The following GPATCH2 variants were observed in gnomAD, a reference collection of about 807,000 sequenced individuals.
GPATCH2 encodes G patch domain-containing protein 2.
In GPATCH2, 51 loss-of-function variants were observed where a neutral mutation model predicts 58.0. The observed-to-expected ratio is 0.88, with a 90% confidence interval of 0.70 to 1.11. GPATCH2 has a LOEUF of 1.11. Among genes scored for constraint, GPATCH2 ranks in the 50% most tolerant of loss-of-function variants. The pLI is 0.00. For missense variants in GPATCH2, 625 were observed against 652.2 expected, an observed-to-expected ratio of 0.96 and a Z score of 0.45; for synonymous variants, 222 against 218.5, an observed-to-expected ratio of 1.02 and a Z score of -0.14.
intron 6 of GPATCH2, among the ~76,000 whole-genome samples, chr1:217,514,402 G>A (rs888748136): frequency 6.6e-6 from 1 of 152,074 alleles, no homozygotes; most frequent in Non-Finnish European, 1.5e-5. Flanking sequence ...CAGGTGATCT[G>A]CCCACCCTGG....
At chr1:217,567,899 A>G (rs1003539615) in intron 5 of GPATCH2, among the ~76,000 whole-genome samples, 3 of 152,074 alleles carry the variant, frequency 2.0e-5, no homozygotes, top group Admixed American at 6.6e-5. Flanking sequence ...GGCGGATCAC[A>G]AGGTCAGGAG....
chr1:217,448,874 G>A lies in GPATCH2; in HGVS notation c.1366+375C>T, dbSNP rs112387825. Among the ~76,000 whole-genome samples, 43 of 152,146 alleles carry A rather than the reference G, an allele frequency of 2.8e-4. 1 individual carries two copies. Among genetic ancestry groups the A allele is most frequent in the Non-Finnish European group, 5.7e-4 (39 of 67,990 alleles). On this transcript the variant is annotated intron_variant, in intron 9 of 9. Transcript: ENST00000366935. The stretch of plus-strand genomic sequence containing the variant: ...ATGGGGTCTTGTGTTTTGGGGCTGC[G>A]GCTATACTTTTTGAATTTATTACTA...
intron 9 of GPATCH2, among the ~76,000 whole-genome samples, chr1:217,434,381 T>G (rs1658712088): frequency 6.6e-6 from 1 of 152,224 alleles, no homozygotes; most frequent in African/African-American, 2.4e-5. Context: ...AGCAGTTAAT[T>G]TTTTATTTTG....
At chr1:217,589,093 T>C (rs1419659835) in intron 5 of GPATCH2, among the ~76,000 whole-genome samples, 3 of 152,124 alleles carry the variant, frequency 2.0e-5, no homozygotes, top group Non-Finnish European at 4.4e-5. Flanking sequence ...CATTTCAACA[T>C]CTAAGAAACA....
intron 2 of GPATCH2, among the ~76,000 whole-genome samples, chr1:217,617,019 TAAACAAAATACC>T (rs1487147174): frequency 2.4e-5 from 1 of 41,648 alleles, no homozygotes; most frequent in African/African-American, 1.7e-4. Context: ...AGGTCAAAGA[TAAACAAAATACC>T]AAAATACAGC....
At chr1:217,513,197 A>C (rs922441292) in intron 6 of GPATCH2, among the ~76,000 whole-genome samples, 1 of 152,118 alleles carries the variant, frequency 6.6e-6, no homozygotes, top group Non-Finnish European at 1.5e-5. Context: ...AGGCTGATGC[A>C]GAAGAATCGC....
chr1:217,549,758 A>C (rs1270291839), intron 5 of GPATCH2, among the ~76,000 whole-genome samples: 1 of 152,210 alleles, frequency 6.6e-6, no homozygotes, highest in African/African-American at 2.4e-5. Context: ...AAAACATAGA[A>C]AGACTTCCTA....
intron 5 of GPATCH2, among the ~76,000 whole-genome samples, chr1:217,566,888 A>T (rs972236151): frequency 6.6e-6 from 1 of 152,216 alleles, no homozygotes; most frequent in Non-Finnish European, 1.5e-5. Context: ...TTTAAAAATG[A>T]TATTAAAACT....
Position 217,514,829 on chromosome 1 carries a change from G to T in GPATCH2, c.1159C>A (p.His387Asn). 1 of 1,469,596 alleles carries T rather than the reference G, an allele frequency of 6.8e-7. No individual in the cohort carries two copies. Among genetic ancestry groups the T allele is most frequent in the Non-Finnish European group, 9.5e-7 (1 of 1,048,428 alleles). 91.0% of individuals were successfully genotyped at this position (1,469,596 alleles called of 1,614,324 possible). A position where few individuals can be genotyped will look rare whatever the true frequency, so the allele number is the denominator to read the frequency against. Residue 387 changes from histidine (H) to asparagine (N), a missense_variant, in exon 6 of 10, where the codon CAC becomes AAC. By Grantham distance (68) the His-to-Asn change is moderately conservative (BLOSUM62 1). Coordinates refer to ENST00000366935, the MANE Select transcript of GPATCH2 (RefSeq NM_018040.5). ...RMVHFSPDSH[H>N]HDHWFSPGAR... ...AACACACTGAGTACTCACTCATGGT[G>T]ATGAGAATCCGGGGAAAAATGAACC... is the stretch of plus-strand genomic sequence containing the variant.
intron 9 of GPATCH2, among the ~76,000 whole-genome samples, chr1:217,444,312 AACTAAC>A (rs752969791): frequency 4.6e-5 from 7 of 152,032 alleles, no homozygotes; most frequent in Non-Finnish European, 1.0e-4. Flanking sequence ...TCCACGGGGG[AACTAAC>A]GAACATGCCT....
At chr1:217,533,660 T>A (rs1418707608) in intron 5 of GPATCH2, among the ~76,000 whole-genome samples, 1 of 152,226 alleles carries the variant, frequency 6.6e-6, no homozygotes, top group East Asian at 1.9e-4. Flanking sequence ...AATAAAGCAA[T>A]AATCACTTGT....
chr1:217,515,828 T>G (rs1347869604), intron 5 of GPATCH2, among the ~76,000 whole-genome samples: 2 of 151,322 alleles, frequency 1.3e-5, no homozygotes, highest in African/African-American at 4.8e-5. Flanking sequence ...AGATCAGTGT[T>G]AAGCAGATAT....
At position 217,455,919 on chromosome 1, in the gene GPATCH2, G is replaced by A. The variant is rs1433529051; in HGVS notation, c.1278-6582C>T. On this transcript the variant is annotated intron_variant, in intron 8 of 9. Coordinates refer to ENST00000366935, the MANE Select transcript of GPATCH2 (RefSeq NM_018040.5). Reference sequence around the variant, plus strand: ...AATGGTGTGGCAGAGAGAAGAGAAGGAGCATCTGAACGTCAAGAAGAATTT... The same window carrying A: ...AATGGTGTGGCAGAGAGAAGAGAAGAAGCATCTGAACGTCAAGAAGAATTT... 2.0e-5 allele frequency among the ~76,000 whole-genome samples: 3 copies of A among 152,094 alleles called. No homozygotes were observed. The East Asian group carries it at 5.9e-4, about 30-fold the overall frequency.
chr1:217,453,277 T>C (rs1435250385), intron 8 of GPATCH2, among the ~76,000 whole-genome samples: 1 of 152,128 alleles, frequency 6.6e-6, no homozygotes, highest in Non-Finnish European at 1.5e-5. Context: ...AAGAACAATA[T>C]TAAGATCCTT....
intron 2 of GPATCH2, among the ~76,000 whole-genome samples, chr1:217,616,096 T>C (rs180820107): frequency 2.2e-4 from 33 of 152,296 alleles, no homozygotes; most frequent in African/African-American, 7.5e-4. Flanking sequence ...TGTGAGAGAT[T>C]AACCATAGTA....
chr1:217,428,165 C>T lies in GPATCH2; in HGVS notation c.*2980G>A, dbSNP rs1440590414. 6.6e-6 allele frequency: 1 copy of T among 152,046 alleles called. No homozygotes were observed. The highest frequency in any genetic ancestry group is 1.5e-5 in the Non-Finnish European group (1 of 68,014). 9.4% of individuals were successfully genotyped at this position (152,046 alleles called of 1,614,324 possible). On this transcript the variant is annotated 3_prime_UTR_variant, in exon 10 of 10. Coordinates refer to ENST00000366935, the MANE Select transcript of GPATCH2 (RefSeq NM_018040.5). ...ACAAATTTTTTAAACAGTCAAGTTGCTAATGTAATCATGCTCAGCGTCTCT... is the reference window on the plus strand; with the variant it reads ...ACAAATTTTTTAAACAGTCAAGTTGTTAATGTAATCATGCTCAGCGTCTCT...
Position 217,428,110 on chromosome 1 carries a change from C to G in GPATCH2, c.*3035G>C. ...CAGAAAAGAAGGAAACAAATGACTCCAGCACACAGTCTGGTCATTATCAAG... is the reference window on the plus strand; with the variant it reads ...CAGAAAAGAAGGAAACAAATGACTCGAGCACACAGTCTGGTCATTATCAAG... On this transcript the variant is annotated 3_prime_UTR_variant, in exon 10 of 10. Transcript: ENST00000366935. 1 of 152,204 alleles carries G rather than the reference C, an allele frequency of 6.6e-6. No individual in the cohort carries two copies. The highest frequency in any genetic ancestry group is 2.1e-4 in the South Asian group (1 of 4,820). 9.4% of individuals were successfully genotyped at this position (152,204 alleles called of 1,614,324 possible).
At chr1:217,607,689 C>A (rs1179600323) in intron 5 of GPATCH2, among the ~76,000 whole-genome samples, 2 of 152,174 alleles carry the variant, frequency 1.3e-5, no homozygotes, top group Non-Finnish European at 2.9e-5. Context: ...AGCCATGATT[C>A]AGTATTCCCT....
At chr1:217,519,044 A>G (rs1181572882) in intron 5 of GPATCH2, among the ~76,000 whole-genome samples, 1 of 152,248 alleles carries the variant, frequency 6.6e-6, no homozygotes, top group Non-Finnish European at 1.5e-5. Context: ...AGAAAGAAAC[A>G]AGACTTTTAA....
Sources: gnomAD v4.1 joint callset for allele counts (sites outside exome capture counted in the v4.1 genomes callset) on GRCh38, gnomAD v4.1.1 for gene constraint, MANE v1.5 for transcripts, NCBI Gene and HGNC (gene_info 2026-07-23, HGNC 2026-07-21) for gene names.